VPS37A: variants seen among roughly 807,000 people sequenced by gnomAD.
VPS37A encodes VPS37A subunit of ESCRT-I.
Under a neutral mutation model 49.8 loss-of-function variants are expected in VPS37A, and 30 were observed. That is an observed-to-expected ratio of 0.60 (90% CI 0.45 to 0.82). The LOEUF (loss-of-function observed/expected upper bound fraction) is 0.82. VPS37A is among the 40% of genes least tolerant of loss of function. The pLI is 0.00. For missense variants in VPS37A, 593 were observed against 464.4 expected (o/e 1.28, Z -2.55); for synonymous variants, 195 against 160.6 (o/e 1.21, Z -1.62).
chr8:17,323,348 T>A, the VPS37A span, among the ~76,000 whole-genome samples: 1 of 152,114 alleles, frequency 6.6e-6, no homozygotes, highest in Admixed American at 6.6e-5. Flanking sequence ...CCACTTTCCA[T>A]ATTATTTTCA....
At chr8:17,259,947 G>T (rs1191802058) in intron 1 of VPS37A, among the ~76,000 whole-genome samples, 5 of 152,000 alleles carry the variant, frequency 3.3e-5, no homozygotes, top group Non-Finnish European at 5.9e-5. Flanking sequence ...TTCACTTTCA[G>T]TCTACGTGTG....
the VPS37A span, among the ~76,000 whole-genome samples, chr8:17,323,104 C>T: frequency 2.0e-5 from 3 of 151,730 alleles, no homozygotes; most frequent in Admixed American, 6.6e-5. Flanking sequence ...TACACCACCA[C>T]GCCCAGCTAA....
At position 17,296,475 on chromosome 8, in the gene VPS37A, C is replaced by G. The variant is rs973911906; in HGVS notation, c.*1489C>G. The G allele has an allele frequency of 2.0e-5, 3 of 152,156 alleles. No individual in the cohort carries two copies. Among genetic ancestry groups the G allele is most frequent in the Non-Finnish European group, 4.4e-5 (3 of 68,042 alleles). The allele number at this position is 152,156 out of a possible 1,614,324, so 9.4% of individuals were successfully genotyped here. On this transcript the variant is annotated 3_prime_UTR_variant, in exon 12 of 12. Coordinates refer to ENST00000324849, the MANE Select transcript of VPS37A (RefSeq NM_152415.3). ...TTCAGAAACCTTTCCTTATACTGCA[C>G]TGGCCACCAGAGCTTAATTTTCCCA... is the stretch of plus-strand genomic sequence containing the variant.
chr8:17,284,359 G>C, intron 9 of VPS37A, 114 bp from the exon 10 acceptor site: 1 of 1,229,464 alleles, frequency 8.1e-7, no homozygotes, highest in Non-Finnish European at 1.1e-6. Context: ...TCAAAAAGAG[G>C]CTATATAGGG....
At chr8:17,271,343 C>T (rs537161859) in intron 4 of VPS37A, among the ~76,000 whole-genome samples, 14 of 152,288 alleles carry the variant, frequency 9.2e-5, no homozygotes, top group South Asian at 6.2e-4. Flanking sequence ...CGGTGGCTCA[C>T]GCCTGTAATC....
intron 9 of VPS37A, among the ~76,000 whole-genome samples, chr8:17,282,258 G>GA (rs1815133066): frequency 1.3e-5 from 2 of 151,976 alleles, no homozygotes; most frequent in African/African-American, 2.4e-5. Context: ...TAATCAGTTG[G>GA]AAAAAATTGA....
At chr8:17,301,121 C>G (rs1817081241), downstream of VPS37A, among the ~76,000 whole-genome samples, 1 of 152,178 alleles carries the variant, frequency 6.6e-6, no homozygotes, top group Non-Finnish European at 1.5e-5. Flanking sequence ...TGTATTCATT[C>G]AAAACCATTC....
chr8:17,260,846 A>T (rs1812901032), intron 1 of VPS37A, among the ~76,000 whole-genome samples: 2 of 152,102 alleles, frequency 1.3e-5, no homozygotes, highest in African/African-American at 4.8e-5. Flanking sequence ...TTGCCAGACC[A>T]ATTAGAGCTC....
At chr8:17,263,077 A>G (rs574115357) in intron 1 of VPS37A, among the ~76,000 whole-genome samples, 1 of 151,220 alleles carries the variant, frequency 6.6e-6, no homozygotes, top group Non-Finnish European at 1.5e-5. Flanking sequence ...AAAAAAAAAG[A>G]TATTGTAAAA....
At chr8:17,259,112 A>AT (rs1812746175) in intron 1 of VPS37A, among the ~76,000 whole-genome samples, 1 of 151,660 alleles carries the variant, frequency 6.6e-6, no homozygotes, top group South Asian at 2.1e-4. Flanking sequence ...TGATATTTAT[A>AT]TTTTTTCTCC....
chr8:17,276,693 T>C (rs1222504258), intron 6 of VPS37A, among the ~76,000 whole-genome samples: 2 of 152,156 alleles, frequency 1.3e-5, no homozygotes, highest in African/African-American at 2.4e-5. Flanking sequence ...TATAATGATA[T>C]AATAGTTACC....
the VPS37A span, among the ~76,000 whole-genome samples, chr8:17,329,372 C>T: frequency 6.6e-6 from 1 of 152,194 alleles, no homozygotes; most frequent in Admixed American, 6.5e-5. Flanking sequence ...CTGCACTGCA[C>T]GTAGCTGGAA....
At chr8:17,280,584 A>T in intron 9 of VPS37A, 141 bp downstream of exon 9, 1 of 709,668 alleles carries the variant, frequency 1.4e-6, no homozygotes, top group South Asian at 2.4e-5. Flanking sequence ...TTAAACGTGG[A>T]TGAACAGCTC....
chr8:17,323,148 A>G, the VPS37A span, among the ~76,000 whole-genome samples: 1 of 151,538 alleles, frequency 6.6e-6, no homozygotes. Flanking sequence ...GGGTTTCACC[A>G]TGTCGGACAG....
At chr8:17,330,240 C>T in the VPS37A span, among the ~76,000 whole-genome samples, 1 of 152,214 alleles carries the variant, frequency 6.6e-6, no homozygotes, top group East Asian at 1.9e-4. Flanking sequence ...AAAAATAATT[C>T]AGCACCTTAT....
At position 17,274,713 on chromosome 8, in the gene VPS37A, T is replaced by C. The variant is rs765566213; in HGVS notation, c.417-20T>C. The C allele has an allele frequency of 6.3e-7, 1 of 1,576,374 alleles. No homozygotes were observed. The highest frequency in any genetic ancestry group is 1.7e-5 in the Admixed American group (1 of 58,956). ...TTATCCATAAAATCTAATGTAATGA[T>C]CTTCTCTTTTTCTTTTCAGTCTATA... is the stretch of plus-strand genomic sequence containing the variant. On this transcript the variant is annotated intron_variant, in intron 4 of 11. Transcript: ENST00000324849.
rs1816625449 is a variant in VPS37A, at chr8:17,296,285, A to ATGT, written c.*1302_*1304dup. 1 of 152,208 alleles carries ATGT rather than the reference A, an allele frequency of 6.6e-6. No individual in the cohort carries two copies. The highest frequency in any genetic ancestry group is 1.5e-5 in the Non-Finnish European group (1 of 68,022). 9.4% of individuals were successfully genotyped at this position (152,208 alleles called of 1,614,324 possible). The stretch of plus-strand genomic sequence containing the variant: ...AGGTATTCACGTGGACTGAGATACA[A>ATGT]TGTTGGATACAGAAAATAACTTTCA... On this transcript the variant is annotated 3_prime_UTR_variant, in exon 12 of 12. Coordinates refer to ENST00000324849, the MANE Select transcript of VPS37A (RefSeq NM_152415.3).
chr8:17,299,591 G>GTAAT (rs1200696977), downstream of VPS37A: 2 of 411,712 alleles, frequency 4.9e-6, no homozygotes, highest in East Asian at 4.4e-5. Flanking sequence ...AATGACAGAA[G>GTAAT]TAATTGCTCT....
chr8:17,311,437 C>T, the VPS37A span: 1 of 1,595,054 alleles, frequency 6.3e-7, no homozygotes, highest in Non-Finnish European at 8.6e-7. Context: ...CAGCAGTTGC[C>T]AGTAGTTGTA....
Sources: gnomAD v4.1 joint callset for allele counts (sites outside exome capture counted in the v4.1 genomes callset) on GRCh38, gnomAD v4.1.1 for gene constraint, MANE v1.5 for transcripts, NCBI Gene and HGNC (gene_info 2026-07-23, HGNC 2026-07-21) for gene names.